The following CAPRIN1 variants were observed in gnomAD, a reference collection of about 807,000 sequenced individuals.
The protein encoded by CAPRIN1 is cell cycle associated protein 1.
A neutral mutation model predicts 100.9 loss-of-function variants in CAPRIN1; 29 were observed. The observed-to-expected ratio is 0.29, with a 90% CI of 0.21 to 0.39. CAPRIN1 has a LOEUF of 0.39. Ranked by LOEUF, CAPRIN1 falls within the 10% of genes least tolerant of loss-of-function variation. The pLI, the probability that CAPRIN1 is intolerant of heterozygous loss-of-function variation, is 1.00. For synonymous variants in CAPRIN1, 338 were observed against 307.5 expected (o/e 1.10, Z -1.04); for missense variants, 795 against 876.7 (o/e 0.91, Z 1.18).
intron 4 of CAPRIN1, among the ~76,000 whole-genome samples, chr11:34,073,161 G>A (rs1850835992): frequency 1.3e-5 from 2 of 152,206 alleles, no homozygotes; most frequent in Non-Finnish European, 2.9e-5. Flanking sequence ...ATGAGACAAT[G>A]CAGTGTAGGG....
intron 2 of CAPRIN1, among the ~76,000 whole-genome samples, chr11:34,061,199 CCT>C: frequency 6.9e-6 from 1 of 144,516 alleles, no homozygotes; most frequent in Admixed American, 6.9e-5. Context: ...TAGGTAACAT[CCT>C]TTTTTTTTTT....
At chr11:34,067,066 A>G (rs1175453278) in intron 2 of CAPRIN1, among the ~76,000 whole-genome samples, 2 of 151,530 alleles carry the variant, frequency 1.3e-5, no homozygotes, top group Non-Finnish European at 2.9e-5. Context: ...AGTAGCTGGG[A>G]TTACAGGTTC....
At chr11:34,052,316 T>C (rs1850333304) in intron 1 of CAPRIN1, 105 bp from the exon 2 acceptor site, 2 of 973,242 alleles carry the variant, frequency 2.1e-6, no homozygotes, top group Non-Finnish European at 3.1e-6. Context: ...TCGCGTAGGC[T>C]ACCGCTCGCT....
At chr11:34,078,877 C>A (rs531530422) in intron 6 of CAPRIN1, among the ~76,000 whole-genome samples, 1 of 152,166 alleles carries the variant, frequency 6.6e-6, no homozygotes, top group African/African-American at 2.4e-5. Context: ...TGATTGGGTC[C>A]AGTCCATTGT....
At chr11:34,080,692 G>C (rs1851011248) in intron 7 of CAPRIN1, among the ~76,000 whole-genome samples, 1 of 152,340 alleles carries the variant, frequency 6.6e-6, no homozygotes, top group East Asian at 1.9e-4. Context: ...GTTAGAATCA[G>C]AGTGCCTGAA....
chr11:34,090,095 C>T, intron 12 of CAPRIN1, 84 bp from the exon 13 acceptor site: 1 of 697,126 alleles, frequency 1.4e-6, no homozygotes, highest in Non-Finnish European at 2.5e-6. Flanking sequence ...ATTTCTTAGC[C>T]TTATGCGTCT....
chr11:34,072,130 G>A (rs1850814196), intron 4 of CAPRIN1, 143 bp downstream of exon 4: 1 of 594,006 alleles, frequency 1.7e-6, no homozygotes, highest in South Asian at 2.3e-5. Flanking sequence ...ATTCTGTAAA[G>A]TAAAATGTAA....
chr11:34,075,769 C>G (rs1850894687), intron 4 of CAPRIN1, among the ~76,000 whole-genome samples: 2 of 152,142 alleles, frequency 1.3e-5, no homozygotes, highest in South Asian at 4.1e-4. Context: ...CTTTACATTT[C>G]TGTATAATTT....
chr11:34,100,852 G>A lies in CAPRIN1; in HGVS notation c.*1485G>A, dbSNP rs560779189. On this transcript the variant is annotated 3_prime_UTR_variant, in exon 19 of 19. Transcript: ENST00000341394. ...TTAATGCTGCTTATTGTCTCATTCT[G>A]ACTTCATGGAGAATTAATCCCACCT... The A allele has an allele frequency of 6.5e-6, 1 of 152,726 alleles. No individual in the cohort carries two copies. Among genetic ancestry groups the A allele is most frequent in the East Asian group, 1.9e-4 (1 of 5,188 alleles). 9.5% of individuals were successfully genotyped at this position (152,726 alleles called of 1,614,324 possible). A position where few individuals can be genotyped will look rare whatever the true frequency, so the allele number is the denominator to read the frequency against.
intron 18 of CAPRIN1, chr11:34,098,587 T>C (rs973341768): frequency 5.4e-5 from 53 of 985,116 alleles, no homozygotes; most frequent in Non-Finnish European, 2.7e-5. Flanking sequence ...TTGATTTGAA[T>C]ACTAGTAGAA....
Position 34,086,113 on chromosome 11 carries a change from C to G in CAPRIN1, c.1016C>G (p.Pro339Arg). The G allele has an allele frequency of 6.2e-7, 1 of 1,614,072 alleles. No individual in the cohort carries two copies. ...CCTCAGGCTGCATCCCCTTCAGTAC[C>G]AGAGCCCCACTCTTTGACTCCAGTG... Reference protein sequence around the residue: ...QQPQAASPSVPEPHSLTPVAQ... With the variant: ...QQPQAASPSVREPHSLTPVAQ... Residue 339 changes from proline to arginine, a missense_variant, in exon 10 of 19, where the codon CCA becomes CGA. This residue lies in a region of CAPRIN1 where 648 missense variants were observed against 697.9 expected (regional missense o/e 0.93). Coordinates refer to ENST00000341394, the MANE Select transcript of CAPRIN1 (RefSeq NM_005898.5).
chr11:34,083,642 C>G (rs1423283583), intron 9 of CAPRIN1, among the ~76,000 whole-genome samples: 1 of 152,240 alleles, frequency 6.6e-6, no homozygotes, highest in Non-Finnish European at 1.5e-5. Flanking sequence ...AGTCTAAAAA[C>G]CTTACCAACT....
At chr11:34,056,782 A>G (rs1203011562) in intron 2 of CAPRIN1, among the ~76,000 whole-genome samples, 2 of 152,218 alleles carry the variant, frequency 1.3e-5, no homozygotes, top group South Asian at 2.1e-4. Flanking sequence ...TTCTTTGTGA[A>G]TATAATAGGT....
chr11:34,084,916 T>C lies in CAPRIN1; in HGVS notation c.967-1148T>C, dbSNP rs554691067. On this transcript the variant is annotated intron_variant, in intron 9 of 18. Coordinates refer to ENST00000341394, the MANE Select transcript of CAPRIN1 (RefSeq NM_005898.5). The stretch of plus-strand genomic sequence containing the variant: ...TTTTATTTGAGAAGAGCATACTACT[T>C]GCCACTGTGCCAGTGTGGTTTGTTC... 6.6e-5 allele frequency among the ~76,000 whole-genome samples: 10 copies of C among 152,182 alleles called. No homozygotes were observed. In the South Asian group the frequency reaches 1.5e-3, roughly 22 times the overall value.
rs929807652 is a variant in CAPRIN1 at position 34,102,074 on chromosome 11, A to G, written c.*2707A>G. The stretch of plus-strand genomic sequence containing the variant: ...TCAATCATTGTACCTTGATATTAAA[A>G]CAAATATCCTTTAAGTATTTCTAAT... On this transcript the variant is annotated 3_prime_UTR_variant, in exon 19 of 19. Transcript: ENST00000341394. Among the ~76,000 whole-genome samples, 1 of 152,188 alleles carries G rather than the reference A, an allele frequency of 6.6e-6. No individual in the cohort carries two copies. Among genetic ancestry groups the G allele is most frequent in the Non-Finnish European group, 1.5e-5 (1 of 68,008 alleles).
intron 2 of CAPRIN1, among the ~76,000 whole-genome samples, chr11:34,065,340 A>G (rs958262430): frequency 2.6e-5 from 4 of 152,202 alleles, no homozygotes; most frequent in Middle Eastern, 3.2e-3. Flanking sequence ...CTACTGGGCT[A>G]TTACAAGTTA....
chr11:34,071,513 C>G (rs1310197023), intron 2 of CAPRIN1, among the ~76,000 whole-genome samples: 1 of 151,954 alleles, frequency 6.6e-6, no homozygotes, highest in Non-Finnish European at 1.5e-5. Flanking sequence ...TGCATTGAGA[C>G]AAGATCGTGC....
chr11:34,098,303 C>A, intron 18 of CAPRIN1: 1 of 984,536 alleles, frequency 1.0e-6, no homozygotes, highest in Non-Finnish European at 1.2e-6. Flanking sequence ...CAAGTTATTT[C>A]TGACTTTTAA....
intron 2 of CAPRIN1, among the ~76,000 whole-genome samples, chr11:34,062,863 A>T (rs958332): frequency 0.1 from 15,534 of 152,014 alleles, 865 homozygotes; most frequent in African/African-American, 0.15. Flanking sequence ...TTTTCCTGGA[A>T]AGCCAAGTTA....
Sources: gnomAD v4.1 joint callset for allele counts (sites outside exome capture counted in the v4.1 genomes callset) on GRCh38, gnomAD v4.1.1 for gene constraint, gnomAD v4.1.1 regional missense constraint, MANE v1.5 for transcripts, NCBI Gene and HGNC (gene_info 2026-07-23, HGNC 2026-07-21) for gene names.